PLIN2: variants seen among roughly 807,000 people sequenced by gnomAD.
PLIN2 encodes the protein perilipin 2.
PLIN2 carries 33 observed loss-of-function variants against 30.6 expected under a neutral mutation model. That is an observed-to-expected ratio of 1.08 (90% CI 0.82 to 1.44). PLIN2 has a LOEUF of 1.44. Among genes scored for constraint, PLIN2 ranks in the 40% most tolerant of loss-of-function variants. PLIN2 has a pLI of 0.00. For synonymous variants in PLIN2, 205 were observed against 201.1 expected, an observed-to-expected ratio of 1.02 and a Z score of -0.16; for missense variants, 610 against 531.8, an observed-to-expected ratio of 1.15 and a Z score of -1.45.
At chr9:19,111,197 A>G (rs1818154429), downstream of PLIN2, among the ~76,000 whole-genome samples, 1 of 151,974 alleles carries the variant, frequency 6.6e-6, no homozygotes, top group African/African-American at 2.4e-5. Context: ...TACAGGAGCG[A>G]GCCACAATGC....
intron 4 of PLIN2, chr9:19,123,316 GAC>G (rs1818346960): frequency 6.5e-7 from 1 of 1,532,878 alleles, no homozygotes; most frequent in South Asian, 1.2e-5. Flanking sequence ...TAGGAGCAAA[GAC>G]ACAAACTGAT....
chr9:19,126,161 A>T lies in PLIN2; in HGVS notation c.179T>A (p.Val60Glu). 1.9e-6 allele frequency: 3 copies of T among 1,614,160 alleles called. No individual in the cohort carries two copies. Among genetic ancestry groups the T allele is most frequent in the Non-Finnish European group, 2.5e-6 (3 of 1,180,028 alleles). The change falls in exon 3 of 8, where the codon GTG becomes GAG. Residue 60 changes from valine to glutamate, a missense_variant. Val to Glu is a moderately radical substitution (Grantham distance 121). Transcript: ENST00000276914. ...AENGVKTITSVAMTSALPIIQ... is the reference protein window; with the variant it reads ...AENGVKTITSEAMTSALPIIQ... ...GATGGGCAGAGCACTGGTCATGGCC[A>T]CGGAGGTGATGGTCTTCACACCGTT...
chr9:19,111,410 T>G (rs1818158168), downstream of PLIN2, among the ~76,000 whole-genome samples: 1 of 152,188 alleles, frequency 6.6e-6, no homozygotes, highest in Non-Finnish European at 1.5e-5. Flanking sequence ...TTCAACGAAG[T>G]ATAGGCTGCC....
chr9:19,122,424 T>TATC (rs951243207), intron 4 of PLIN2, among the ~76,000 whole-genome samples: 1 of 152,018 alleles, frequency 6.6e-6, no homozygotes, highest in Non-Finnish European at 1.5e-5. Flanking sequence ...ATCATTGTGT[T>TATC]ACAGTAGTCA....
chr9:19,111,338 G>A (rs989083304), downstream of PLIN2, among the ~76,000 whole-genome samples: 2 of 152,116 alleles, frequency 1.3e-5, no homozygotes, highest in African/African-American at 4.8e-5. Context: ...ATGAGCCACC[G>A]CACCTGGGCA....
chr9:19,111,909 C>CT (rs2131172670), downstream of PLIN2, among the ~76,000 whole-genome samples: 1 of 152,206 alleles, frequency 6.6e-6, no homozygotes, highest in South Asian at 2.1e-4. Context: ...TTCATTAGTT[C>CT]TTTAATACCT....
downstream of PLIN2, among the ~76,000 whole-genome samples, chr9:19,112,600 C>G (rs1247813793): frequency 6.6e-6 from 1 of 150,510 alleles, no homozygotes; most frequent in Non-Finnish European, 1.5e-5. Flanking sequence ...CCCAGATACT[C>G]AGGACACTGA....
intron 4 of PLIN2, among the ~76,000 whole-genome samples, chr9:19,122,752 C>A (rs1023051693): frequency 6.6e-6 from 1 of 152,142 alleles, no homozygotes; most frequent in Non-Finnish European, 1.5e-5. Context: ...CCCTAACCCT[C>A]TTGTGAACTG....
chr9:19,115,031 C>T (rs1367893789), downstream of PLIN2, among the ~76,000 whole-genome samples: 1 of 152,124 alleles, frequency 6.6e-6, no homozygotes, highest in Non-Finnish European at 1.5e-5. Flanking sequence ...TAACTGGTTC[C>T]CTGGCAAGAA....
At chr9:19,125,979 G>T in intron 3 of PLIN2, 135 bp downstream of exon 3, 1 of 644,126 alleles carries the variant, frequency 1.6e-6, no homozygotes, top group Non-Finnish European at 2.7e-6. Context: ...GGTAATGAGG[G>T]TCACCTGAAA....
At chr9:19,117,248 CCT>C in intron 7 of PLIN2, among the ~76,000 whole-genome samples, 1 of 151,986 alleles carries the variant, frequency 6.6e-6, no homozygotes, top group East Asian at 1.9e-4. Flanking sequence ...GCGGACCCGA[CCT>C]CTCGGGCTTA....
intron 4 of PLIN2, among the ~76,000 whole-genome samples, chr9:19,121,595 A>C (rs1275032495): frequency 6.6e-6 from 1 of 152,136 alleles, no homozygotes; most frequent in Non-Finnish European, 1.5e-5. Flanking sequence ...GAGGAAACTG[A>C]AGATCAAACT....
At chr9:19,125,969 G>T in intron 3 of PLIN2, 145 bp downstream of exon 3, 1 of 601,134 alleles carries the variant, frequency 1.7e-6, no homozygotes, top group Non-Finnish European at 2.9e-6. Context: ...GTCCTCTTAC[G>T]GTAATGAGGG....
Position 19,116,611 on chromosome 9 carries a change from C to G in PLIN2, c.951G>C (p.Leu317=). The G allele has an allele frequency of 3.1e-6, 5 of 1,613,804 alleles. No homozygotes were observed. Among genetic ancestry groups the G allele is most frequent in the Non-Finnish European group, 4.2e-6 (5 of 1,179,802 alleles). ...ESRTLAIARN[L]TQQLQTTCHT... ...GGCACGTGGTCTGGAGCTGCTGAGT[C>G]AGGTTGCGGGCAATTGCAAGAGTAC... Residue 317 remains leucine (L), a synonymous_variant, in exon 8 of 8, where the codon CTG becomes CTC. Coordinates refer to ENST00000276914, the MANE Select transcript of PLIN2 (RefSeq NM_001122.4).
chr9:19,112,191 G>C (rs1646677878), downstream of PLIN2, among the ~76,000 whole-genome samples: 1 of 152,124 alleles, frequency 6.6e-6, no homozygotes, highest in African/African-American at 2.4e-5. Flanking sequence ...GGACAAACTA[G>C]AAAGACTATG....
At chr9:19,124,958 AAAG>A in intron 3 of PLIN2, among the ~76,000 whole-genome samples, 1 of 152,232 alleles carries the variant, frequency 6.6e-6, no homozygotes, top group East Asian at 1.9e-4. Context: ...ATGCTTAACG[AAAG>A]AAGCCAATCA....
Position 19,116,090 on chromosome 9 carries a change from A to T in PLIN2, c.*158T>A. On this transcript the variant is annotated 3_prime_UTR_variant, in exon 8 of 8. Coordinates refer to ENST00000276914, the MANE Select transcript of PLIN2 (RefSeq NM_001122.4). ...AACAGAAATCATCTGCTAATGCCAG[A>T]AACTTTAAAGCTCTTAATTCAGCTG... is the stretch of plus-strand genomic sequence containing the variant. The T allele has an allele frequency of 1.7e-6, 1 of 604,140 alleles. No homozygotes were observed. Among genetic ancestry groups the T allele is most frequent in the Non-Finnish European group, 2.7e-6 (1 of 366,786 alleles). 37.4% of individuals were successfully genotyped at this position (604,140 alleles called of 1,614,324 possible). A position where few individuals can be genotyped will look rare whatever the true frequency, so the allele number is the denominator to read the frequency against.
intron 3 of PLIN2, among the ~76,000 whole-genome samples, chr9:19,125,262 C>T (rs1180923177): frequency 6.6e-6 from 1 of 152,214 alleles, no homozygotes; most frequent in Non-Finnish European, 1.5e-5. Flanking sequence ...ATTTCTAAAA[C>T]TCATTCATGG....
chr9:19,118,386 G>A lies in PLIN2; in HGVS notation c.847C>T (p.Leu283Phe). Residue 283 changes from leucine (L) to phenylalanine (F), a missense_variant, in exon 7 of 8, where the codon CTC (leucine) becomes TTC (phenylalanine). Transcript: ENST00000276914. ...KIQDAQDKLYLSWVEWKRSIG... is the reference protein window; with the variant it reads ...KIQDAQDKLYFSWVEWKRSIG... ...CTCCTTTTCCACTCTACCCATGAGA[G>A]GTAGAGCTTATCCTGAGCATCCTGA... 6.2e-6 allele frequency: 10 copies of A among 1,613,492 alleles called. No individual in the cohort carries two copies. The highest frequency in any genetic ancestry group is 8.5e-6 in the Non-Finnish European group (10 of 1,179,468).
Sources: allele counts gnomAD v4.1 joint callset (sites outside exome capture counted in the v4.1 genomes callset), GRCh38; gene constraint gnomAD v4.1.1; transcripts MANE v1.5; gene names NCBI Gene and HGNC (gene_info 2026-07-23, HGNC 2026-07-21).